ZNF8: variants seen among roughly 807,000 people sequenced by gnomAD.
ZNF8 encodes the protein zinc finger protein 272.
Under a neutral mutation model 12.2 loss-of-function variants are expected in ZNF8, and 9 were observed. That is an observed-to-expected ratio of 0.73 (90% CI 0.44 to 1.28). The LOEUF is 1.28. Ranked by LOEUF, ZNF8 falls within the 50% of genes most tolerant of loss-of-function variation. The probability of loss-of-function intolerance (pLI) is 0.00; values close to 1 mark genes in which losing one functional copy is unlikely to be tolerated. For missense variants in ZNF8, 664 were observed against 729.1 expected, an observed-to-expected ratio of 0.91 and a Z score of 1.03; for synonymous variants, 274 against 282.3, an observed-to-expected ratio of 0.97 and a Z score of 0.30.
intron 3 of ZNF8, among the ~76,000 whole-genome samples, chr19:58,290,379 G>T (rs1262730618): frequency 2.0e-5 from 3 of 152,004 alleles, no homozygotes; most frequent in African/African-American, 7.2e-5. Context: ...CTCCCAAAGT[G>T]CTGGGATTAC....
In ZNF8 at chr19:58,297,875, T is replaced by G. The variant is rs994618495; in HGVS notation, c.*2339T>G. On this transcript the variant is annotated 3_prime_UTR_variant, in exon 4 of 4. Coordinates refer to ENST00000621650, the MANE Select transcript of ZNF8 (RefSeq NM_021089.3). The stretch of plus-strand genomic sequence containing the variant: ...AAGCTGTCATTTCACATTTTTGCTG[T>G]GCACTGATAGTGTGAAAGCAATGGC... The G allele has an allele frequency of 2.6e-5, 4 of 152,244 alleles. No homozygotes were observed. 9.4% of individuals were successfully genotyped at this position (152,244 alleles called of 1,614,324 possible).
At chr19:58,281,703 C>T (rs1193492167) in intron 1 of ZNF8, among the ~76,000 whole-genome samples, 1 of 152,022 alleles carries the variant, frequency 6.6e-6, no homozygotes, top group Non-Finnish European at 1.5e-5. Context: ...CAGTTCCCAA[C>T]CAAAGGCATC....
Position 58,298,909 on chromosome 19 carries a change from C to G in ZNF8, c.*3373C>G, listed in dbSNP as rs943265557. ...GTGGTTCACTGCAACCTCCCAGGTT[C>G]AAGCAATTCTCCTGCCTCAGCCGCC... On this transcript the variant is annotated 3_prime_UTR_variant, in exon 4 of 4. Coordinates refer to ENST00000621650, the MANE Select transcript of ZNF8 (RefSeq NM_021089.3). 1 of 151,170 alleles carries G rather than the reference C, an allele frequency of 6.6e-6. No homozygotes were observed. Among genetic ancestry groups the G allele is most frequent in the Non-Finnish European group, 1.5e-5 (1 of 67,934 alleles). 9.4% of individuals were successfully genotyped at this position (151,170 alleles called of 1,614,324 possible).
At chr19:58,287,203 G>A (rs2051388543) in intron 3 of ZNF8, among the ~76,000 whole-genome samples, 1 of 151,848 alleles carries the variant, frequency 6.6e-6, no homozygotes, top group Non-Finnish European at 1.5e-5. Context: ...CCACGCCCTG[G>A]TAATTTTTGT....
chr19:58,294,381 C>T lies in ZNF8; in HGVS notation c.573C>T (p.Phe191=). The T allele has an allele frequency of 6.2e-7, 1 of 1,614,128 alleles. No homozygotes were observed. The highest frequency in any genetic ancestry group is 8.5e-7 in the Non-Finnish European group (1 of 1,180,030). Residue 191 remains phenylalanine (F), a synonymous_variant, in exon 4 of 4, where the codon TTC becomes TTT. Coordinates refer to ENST00000621650, the MANE Select transcript of ZNF8 (RefSeq NM_021089.3). This position sits in a 1 kb window ranked among gnomAD's most constrained non-coding sequence, Gnocchi z 5.5. Reference sequence around the variant, plus strand: ...TCCTGAGTTCAAGCCCAAATCCATTCCCAGAGATCTCTAGAGGGGAGTATT... The same window carrying T: ...TCCTGAGTTCAAGCCCAAATCCATTTCCAGAGATCTCTAGAGGGGAGTATT... The part of the protein sequence containing the change: ...NCVLSSSPNP[F]PEISRGEYLY...
At chr19:58,280,715 G>A (rs1288399205) in intron 1 of ZNF8, 2 of 152,190 alleles carry the variant, frequency 1.3e-5, no homozygotes, top group Non-Finnish European at 2.9e-5. Flanking sequence ...GTCTGAAATC[G>A]GTTTTCTGGT....
At chr19:58,290,803 A>C (rs1207433321) in intron 3 of ZNF8, among the ~76,000 whole-genome samples, 1 of 152,188 alleles carries the variant, frequency 6.6e-6, no homozygotes, top group South Asian at 2.1e-4. Context: ...GTAATCCCAG[A>C]ATTTTGGGAG....
rs889710709 is a variant in ZNF8, at chr19:58,299,949, C to T, written c.*4413C>T. The T allele has an allele frequency of 6.6e-6, 1 of 152,198 alleles. No homozygotes were observed. The highest frequency in any genetic ancestry group is 1.5e-5 in the Non-Finnish European group (1 of 68,054). 9.4% of individuals were successfully genotyped at this position (152,198 alleles called of 1,614,324 possible). On this transcript the variant is annotated 3_prime_UTR_variant, in exon 4 of 4. Coordinates refer to ENST00000621650, the MANE Select transcript of ZNF8 (RefSeq NM_021089.3). ...GCCCAAGTTCGTTTCTCTGCACTTA[C>T]CTCTTCGGGGTTGTCCTCAAAACGT... is the stretch of plus-strand genomic sequence containing the variant.
intron 1 of ZNF8, chr19:58,279,707 G>C (rs1408139761): frequency 5.9e-6 from 9 of 1,526,238 alleles, no homozygotes; most frequent in Non-Finnish European, 7.0e-6. Context: ...TCCCCTGCGA[G>C]ACTGTGGGAG....
rs1481580536 is a variant in ZNF8, at chr19:58,295,264, C to G, written c.1456C>G (p.Gln486Glu). 6.2e-7 allele frequency: 1 copy of G among 1,614,224 alleles called. No homozygotes were observed. The highest frequency in any genetic ancestry group is 1.7e-5 in the Admixed American group (1 of 60,024). Residue 486 changes from glutamine to glutamate, a missense_variant, in exon 4 of 4, where the codon CAG becomes GAG. Physicochemically the swap from Gln to Glu is conservative, Grantham distance 29. Coordinates refer to ENST00000621650, the MANE Select transcript of ZNF8 (RefSeq NM_021089.3). The stretch of plus-strand genomic sequence containing the variant: ...TCAGAGCTCTCACCTCATCCGGCAC[C>G]AGATAACTCACACCAGAGAGGAGCA... ...FIQSSHLIRH[Q>E]ITHTREEQPH... is the part of the protein sequence containing the mutation.
chr19:58,297,388 A>C lies in ZNF8; in HGVS notation c.*1852A>C, dbSNP rs1054648788. ...CATCCTTTACGGTTTTGCAGCATTC[A>C]TAATTGATGTGAAATAAGGAAGATA... is the stretch of plus-strand genomic sequence containing the variant. On this transcript the variant is annotated 3_prime_UTR_variant, in exon 4 of 4. Transcript: ENST00000621650. 2.0e-5 allele frequency: 3 copies of C among 151,632 alleles called. No homozygotes were observed. Among genetic ancestry groups the C allele is most frequent in the African/African-American group, 4.8e-5 (2 of 41,282 alleles). The allele number at this position is 151,632 out of a possible 1,614,324, so 9.4% of individuals were successfully genotyped here.
chr19:58,279,537 C>G, intron 1 of ZNF8: 2 of 1,509,782 alleles, frequency 1.3e-6, no homozygotes, highest in Non-Finnish European at 1.8e-6. Flanking sequence ...GCCCAGATGG[C>G]AAGAATCATC....
At chr19:58,283,485 C>T (rs1179755427) in intron 1 of ZNF8, among the ~76,000 whole-genome samples, 1 of 152,028 alleles carries the variant, frequency 6.6e-6, no homozygotes, top group Non-Finnish European at 1.5e-5. Context: ...CACACTCTTG[C>T]CCTCTCGCCA....
chr19:58,292,136 G>A (rs528516336), intron 3 of ZNF8, among the ~76,000 whole-genome samples: 2 of 152,198 alleles, frequency 1.3e-5, no homozygotes, highest in Admixed American at 6.5e-5. Flanking sequence ...CTATTAAAAT[G>A]TACCACTCAG....
At chr19:58,287,927 C>G (rs1279933021) in intron 3 of ZNF8, among the ~76,000 whole-genome samples, 1 of 125,456 alleles carries the variant, frequency 8.0e-6, no homozygotes, top group Non-Finnish European at 1.6e-5. Flanking sequence ...GCTGCTCAAA[C>G]TAACTCCTGG....
chr19:58,279,305 T>C, intron 1 of ZNF8, 158 bp downstream of exon 1: 1 of 1,509,362 alleles, frequency 6.6e-7, no homozygotes, highest in South Asian at 1.2e-5. Context: ...GTGACCGTCC[T>C]GGCTGGTCAG....
In ZNF8 at chr19:58,289,125, CAT is replaced by C. The variant is rs570837436; in HGVS notation, c.289+2923_289+2924del. Among the ~76,000 whole-genome samples, 796 of 152,284 alleles carry C rather than the reference CAT, an allele frequency of 5.2e-3. 4 individuals are homozygous for C. Among genetic ancestry groups the C allele is most frequent in the Non-Finnish European group, 7.7e-3 (523 of 68,010 alleles). On this transcript the variant is annotated intron_variant, in intron 3 of 3. Coordinates refer to ENST00000621650, the MANE Select transcript of ZNF8 (RefSeq NM_021089.3). ...TCAAGGCTTTATGTTAAGACAGAAA[CAT>C]ATTTTCCATGTAATGCTTTGTATTA...
In ZNF8 at chr19:58,279,014, C is replaced by T. The variant is rs1247899878; in HGVS notation, c.-68C>T. The T allele has an allele frequency of 5.2e-6, 7 of 1,351,416 alleles. No homozygotes were observed. The highest frequency in any genetic ancestry group is 1.5e-5 in the African/African-American group (1 of 66,404). 83.7% of individuals were successfully genotyped at this position (1,351,416 alleles called of 1,614,324 possible). A position where few individuals can be genotyped will look rare whatever the true frequency, so the allele number is the denominator to read the frequency against. On this transcript the variant is annotated 5_prime_UTR_variant, in exon 1 of 4. Coordinates refer to ENST00000621650, the MANE Select transcript of ZNF8 (RefSeq NM_021089.3). ...CCGGCGTTCGGCGAGTCGGGTGGTCCCTTTGGCTGGAGTGCCTCTCTGGTC... is the reference window on the plus strand; with the variant it reads ...CCGGCGTTCGGCGAGTCGGGTGGTCTCTTTGGCTGGAGTGCCTCTCTGGTC...
chr19:58,292,390 C>G (rs1040173096), intron 3 of ZNF8, among the ~76,000 whole-genome samples: 13 of 152,106 alleles, frequency 8.5e-5, no homozygotes, highest in African/African-American at 2.9e-4. Context: ...TCTCTGTGCC[C>G]TTATATGGCA....
Sources: allele counts gnomAD v4.1 joint callset (sites outside exome capture counted in the v4.1 genomes callset), GRCh38; gene constraint gnomAD v4.1.1; non-coding constraint Gnocchi (gnomAD v3.1); transcripts MANE v1.5; gene names NCBI Gene and HGNC (gene_info 2026-07-23, HGNC 2026-07-21).